The following GRIA4 variants were observed in gnomAD, a reference collection of about 807,000 sequenced individuals.
The protein encoded by GRIA4 is glutamate receptor 4.
GRIA4 carries 34 observed loss-of-function variants against 104.0 expected under a neutral mutation model. The observed-to-expected ratio is 0.33, with a 90% CI of 0.25 to 0.44. The LOEUF (loss-of-function observed/expected upper bound fraction) is 0.44, where lower values mean the gene tolerates loss of function less well. Ranked by LOEUF, GRIA4 falls within the 20% of genes least tolerant of loss-of-function variation. The pLI, the probability that GRIA4 is intolerant of heterozygous loss-of-function variation, is 1.00. For missense variants in GRIA4, 750 were observed against 1,096.5 expected, an observed-to-expected ratio of 0.68 and a Z score of 4.46; for synonymous variants, 386 against 381.9, an observed-to-expected ratio of 1.01 and a Z score of -0.13.
chr11:105,724,959 A>T (rs1938103546), intron 3 of GRIA4, among the ~76,000 whole-genome samples: 1 of 152,164 alleles, frequency 6.6e-6, no homozygotes, highest in African/African-American at 2.4e-5. Flanking sequence ...TAAGAGCACC[A>T]AATTTAGAAA....
chr11:105,887,673 C>CCTG, intron 6 of GRIA4, 101 bp downstream of exon 6: 1 of 652,310 alleles, frequency 1.5e-6, no homozygotes, highest in Non-Finnish European at 2.7e-6. Flanking sequence ...GAGTACATTA[C>CCTG]TTACTAAGCT....
chr11:105,793,619 A>G (rs1942319164), intron 4 of GRIA4, among the ~76,000 whole-genome samples: 1 of 152,126 alleles, frequency 6.6e-6, no homozygotes, highest in Non-Finnish European at 1.5e-5. Context: ...CTCCCACAGG[A>G]ATTTGGAAGC....
chr11:105,691,385 A>G (rs1234423263), intron 3 of GRIA4, among the ~76,000 whole-genome samples: 1 of 152,206 alleles, frequency 6.6e-6, no homozygotes, highest in Non-Finnish European at 1.5e-5. Flanking sequence ...TTCTTAGAAG[A>G]CAATGTAGTC....
chr11:105,641,996 GC>G (rs1462376110), intron 3 of GRIA4, among the ~76,000 whole-genome samples: 1 of 152,132 alleles, frequency 6.6e-6, no homozygotes, highest in African/African-American at 2.4e-5. Context: ...GCTTGTAGAT[GC>G]CATTATCTCC....
At chr11:105,616,157 G>A (rs563464873) in intron 3 of GRIA4, among the ~76,000 whole-genome samples, 76 of 151,446 alleles carry the variant, frequency 5.0e-4, no homozygotes, top group African/African-American at 1.7e-3. Flanking sequence ...TTGATAGAAA[G>A]GACTAATTGA....
At chr11:105,704,282 G>A (rs567514337) in intron 3 of GRIA4, among the ~76,000 whole-genome samples, 13 of 152,164 alleles carry the variant, frequency 8.5e-5, no homozygotes, top group Admixed American at 1.3e-4. Flanking sequence ...TTAGAAATCA[G>A]GAAAGGCATT....
intron 4 of GRIA4, chr11:105,842,742 A>G (rs1204445738): frequency 2.0e-5 from 3 of 152,198 alleles, no homozygotes; most frequent in Admixed American, 1.3e-4. Flanking sequence ...AGTGAAAGCA[A>G]TACGATACAA....
chr11:105,745,143 A>G (rs1939566591), intron 3 of GRIA4, among the ~76,000 whole-genome samples: 1 of 152,130 alleles, frequency 6.6e-6, no homozygotes, highest in Non-Finnish European at 1.5e-5. Context: ...AATAACTAAC[A>G]TTTTTTCCAA....
intron 14 of GRIA4, among the ~76,000 whole-genome samples, chr11:105,969,301 G>A (rs529832219): frequency 6.6e-6 from 1 of 152,146 alleles, no homozygotes; most frequent in Middle Eastern, 3.2e-3. Context: ...AGGAAAAAAA[G>A]TTGTAGTAAA....
intron 4 of GRIA4, among the ~76,000 whole-genome samples, chr11:105,766,512 G>C (rs1178842143): frequency 6.6e-6 from 1 of 152,108 alleles, no homozygotes; most frequent in Non-Finnish European, 1.5e-5. Flanking sequence ...TTGCAATGTA[G>C]TAACATTACT....
chr11:105,684,562 C>T (rs1397659863), intron 3 of GRIA4, among the ~76,000 whole-genome samples: 1 of 125,392 alleles, frequency 8.0e-6, no homozygotes, highest in African/African-American at 2.9e-5. Context: ...TATATATATA[C>T]ACACCTTTAT....
intron 3 of GRIA4, among the ~76,000 whole-genome samples, chr11:105,632,966 T>G (rs1951076326): frequency 6.6e-6 from 1 of 152,152 alleles, no homozygotes; most frequent in Non-Finnish European, 1.5e-5. Context: ...AAAAGGGGTC[T>G]TGAGAATTGT....
chr11:105,845,192 A>G (rs1280219764), intron 4 of GRIA4, among the ~76,000 whole-genome samples: 1 of 152,130 alleles, frequency 6.6e-6, no homozygotes, highest in Non-Finnish European at 1.5e-5. Context: ...TCTCTCATTC[A>G]TGTGTCTGGT....
Position 105,795,166 on chromosome 11 carries a change from T to C in GRIA4, c.487+41946T>C, listed in dbSNP as rs551653133. ...TTGTCTGTGTAATTTATTTCATACATTTAAAAGCGTAGTTCTGAGAAAAGA... is the reference window on the plus strand; with the variant it reads ...TTGTCTGTGTAATTTATTTCATACACTTAAAAGCGTAGTTCTGAGAAAAGA... On this transcript the variant is annotated intron_variant, in intron 4 of 16. Transcript: ENST00000282499. Among the ~76,000 whole-genome samples, 4 of 152,272 alleles carry C rather than the reference T, an allele frequency of 2.6e-5. No homozygotes were observed. In the East Asian group the frequency reaches 5.8e-4, roughly 22 times the overall value.
intron 7 of GRIA4, among the ~76,000 whole-genome samples, chr11:105,902,039 C>T (rs984483481): frequency 2.6e-5 from 4 of 152,152 alleles, no homozygotes; most frequent in Non-Finnish European, 4.4e-5. Context: ...TGGTGTAGTA[C>T]CTTGCTTAAA....
intron 3 of GRIA4, among the ~76,000 whole-genome samples, chr11:105,664,057 T>C (rs969871113): frequency 6.8e-6 from 1 of 147,644 alleles, no homozygotes; most frequent in Non-Finnish European, 1.5e-5. Flanking sequence ...TAGGAAAGAG[T>C]GTGAGCTTAT....
intron 4 of GRIA4, among the ~76,000 whole-genome samples, chr11:105,802,271 G>C (rs1472754455): frequency 6.6e-6 from 1 of 152,140 alleles, no homozygotes; most frequent in Non-Finnish European, 1.5e-5. Flanking sequence ...GAGCCCGCCT[G>C]ACAGTGCTGG....
At chr11:105,684,775 CT>C (rs1952821977) in intron 3 of GRIA4, among the ~76,000 whole-genome samples, 1 of 151,424 alleles carries the variant, frequency 6.6e-6, no homozygotes, top group Non-Finnish European at 1.5e-5. Context: ...ATTGTTAATA[CT>C]GTTTAAATTG....
At chr11:105,889,281 T>G (rs1371182777) in intron 6 of GRIA4, among the ~76,000 whole-genome samples, 1 of 152,152 alleles carries the variant, frequency 6.6e-6, no homozygotes, top group African/African-American at 2.4e-5. Flanking sequence ...TTCCAGTATA[T>G]GAAGTAGAAA....
Sources: gnomAD v4.1 joint callset for allele counts (sites outside exome capture counted in the v4.1 genomes callset) on GRCh38, gnomAD v4.1.1 for gene constraint, MANE v1.5 for transcripts, NCBI Gene and HGNC (gene_info 2026-07-23, HGNC 2026-07-21) for gene names.